Variants in PCDHGA2 observed in about 807,000 individuals in gnomAD.
PCDHGA2 encodes protocadherin gamma-A2.
PCDHGA2 carries 40 observed loss-of-function variants against 59.2 expected under a neutral mutation model. The ratio of observed to expected loss-of-function variants is 0.68; its 90% CI spans 0.52 to 0.88. PCDHGA2 has a LOEUF of 0.88. Among genes scored for constraint, PCDHGA2 ranks in the 40% least tolerant of loss-of-function variants. The pLI, the probability that PCDHGA2 is intolerant of heterozygous loss-of-function variation, is 0.00. For synonymous variants in PCDHGA2, 560 were observed against 526.0 expected (o/e 1.06, Z -0.89); for missense variants, 1,226 against 1,204.0 (o/e 1.02, Z -0.27).
Position 141,511,156 on chromosome 5 carries a change from A to G in PCDHGA2, c.2782A>G (p.Lys928Glu), listed in dbSNP as rs2099883637. 6.2e-7 allele frequency: 1 copy of G among 1,614,080 alleles called. No individual in the cohort carries two copies. The highest frequency in any genetic ancestry group is 1.3e-5 in the African/African-American group (1 of 74,940). Residue 928 changes from lysine (K) to glutamate (E), a missense_variant, in exon 4 of 4, where the codon AAG (lysine) becomes GAG (glutamate). By Grantham distance (56) the Lys-to-Glu change is moderately conservative (BLOSUM62 1). Transcript: ENST00000394576. ...CAATGGCAACAAGAAGAAGTCGGGC[A>G]AGAAGGAGAAGAAGTAACATGGAGG... is the stretch of plus-strand genomic sequence containing the variant. ...GGNGNKKKSG[K>E]KEKK
rs774780380 is a variant in PCDHGA2 at position 141,432,864 on chromosome 5, G to C, written c.2425-61943G>C. Reference sequence around the variant, plus strand: ...GTGGTAGCGGTGGCCGCGGTCTCCTGCGTCTTCCTGGCCTTCGTCATCTTG... The same window carrying C: ...GTGGTAGCGGTGGCCGCGGTCTCCTCCGTCTTCCTGGCCTTCGTCATCTTG... On this transcript the variant is annotated intron_variant, in intron 1 of 3. Coordinates refer to ENST00000394576, the MANE Select transcript of PCDHGA2 (RefSeq NM_018915.4). The surrounding 1 kb of genome is among the most constrained non-coding windows in gnomAD (Gnocchi z 6.0). 6.2e-7 allele frequency: 1 copy of C among 1,614,168 alleles called. No homozygotes were observed.
In PCDHGA2 at chr5:141,384,747, C is replaced by G. The variant is rs755356826; in HGVS notation, c.2424+43352C>G. 28 of 1,613,942 alleles carry G rather than the reference C, an allele frequency of 1.7e-5. No homozygotes were observed. The South Asian group carries it at 3.0e-4, about 17-fold the overall frequency. The stretch of plus-strand genomic sequence containing the variant: ...TGCTTAAGGCCAGCGAGCCAGGACT[C>G]TTTGCGGTTGGGCTGTACACGGGCG... On this transcript the variant is annotated intron_variant, in intron 1 of 3. Transcript: ENST00000394576.
At chr5:141,372,956 T>C in intron 1 of PCDHGA2, 1 of 730,732 alleles carries the variant, frequency 1.4e-6, no homozygotes, top group Non-Finnish European at 2.1e-6. Flanking sequence ...GGAAATTCTT[T>C]GTAGAATTTC....
chr5:141,370,854 C>G, intron 1 of PCDHGA2: 1 of 1,614,054 alleles, frequency 6.2e-7, no homozygotes, highest in Non-Finnish European at 8.5e-7. Context: ...CACATTTGCC[C>G]TGGAATCTGC....
intron 3 of PCDHGA2, 78 bp from the exon 4 acceptor site, chr5:141,510,869 T>C: frequency 9.3e-6 from 15 of 1,608,708 alleles, no homozygotes; most frequent in Non-Finnish European, 1.3e-5. Flanking sequence ...AGGCATTCAT[T>C]AACTGCTGGG....
intron 1 of PCDHGA2, chr5:141,371,963 G>A: frequency 6.2e-7 from 1 of 1,613,264 alleles, no homozygotes; most frequent in Non-Finnish European, 8.5e-7. Context: ...TCGACCACGA[G>A]CAGCTGCGTG....
chr5:141,374,090 C>T, intron 1 of PCDHGA2: 1 of 1,535,464 alleles, frequency 6.5e-7, no homozygotes, highest in Non-Finnish European at 8.8e-7. Context: ...AGTAATGGCG[C>T]CTCCGCAGAG....
In PCDHGA2 at chr5:141,340,061, A is replaced by C; in HGVS notation, c.1090A>C (p.Thr364Pro). 1 of 1,614,086 alleles carries C rather than the reference A, an allele frequency of 6.2e-7. No homozygotes were observed. The highest frequency in any genetic ancestry group is 8.5e-7 in the Non-Finnish European group (1 of 1,180,014). ...SSVSEDSLPG[T>P]IIGLFNVHDR... Reference sequence around the variant, plus strand: ...AGTTTCTGAAGACTCTCTTCCAGGAACCATAATTGGGCTTTTTAATGTACA... The same window carrying C: ...AGTTTCTGAAGACTCTCTTCCAGGACCCATAATTGGGCTTTTTAATGTACA... The change falls in exon 1 of 4, where the codon ACC (threonine) becomes CCC (proline). Residue 364 changes from threonine (T) to proline (P), a missense_variant. Transcript: ENST00000394576.
intron 1 of PCDHGA2, chr5:141,346,340 T>G (rs776812616): frequency 6.2e-7 from 1 of 1,614,130 alleles, no homozygotes; most frequent in South Asian, 1.1e-5. Context: ...GCCACCTGAT[T>G]TTCCCCCAGC....
intron 3 of PCDHGA2, among the ~76,000 whole-genome samples, chr5:141,510,214 A>G (rs1047332886): frequency 6.6e-6 from 1 of 151,406 alleles, no homozygotes; most frequent in Non-Finnish European, 1.5e-5. Context: ...CAGAGGTTGC[A>G]GTGAGCCGGG....
At chr5:141,373,491 C>T (rs975077178) in intron 1 of PCDHGA2, among the ~76,000 whole-genome samples, 1 of 152,180 alleles carries the variant, frequency 6.6e-6, no homozygotes, top group Non-Finnish European at 1.5e-5. Context: ...CCCCTGCACT[C>T]TAGCCTGGGA....
Position 141,485,486 on chromosome 5 carries a change from C to T in PCDHGA2, c.2425-9321C>T, listed in dbSNP as rs2099614522. 6 of 1,614,102 alleles carry T rather than the reference C, an allele frequency of 3.7e-6. No individual in the cohort carries two copies. The highest frequency in any genetic ancestry group is 2.2e-5 in the East Asian group (1 of 44,866). The stretch of plus-strand genomic sequence containing the variant: ...TGGGCTCAGTGCCAGCTGCATCGTG[C>T]CCCTGGAGTTTGTCACCGAAGGTCC... On this transcript the variant is annotated intron_variant, in intron 1 of 3. Coordinates refer to ENST00000394576, the MANE Select transcript of PCDHGA2 (RefSeq NM_018915.4). This position sits in a 1 kb window ranked among gnomAD's most constrained non-coding sequence, Gnocchi z 5.7.
intron 1 of PCDHGA2, among the ~76,000 whole-genome samples, chr5:141,456,250 C>T (rs1244300374): frequency 4.6e-5 from 7 of 152,014 alleles, no homozygotes; most frequent in African/African-American, 1.7e-4. Context: ...AGGCTTTGGG[C>T]GACCATTGCT....
chr5:141,477,639 G>T lies in PCDHGA2; in HGVS notation c.2425-17168G>T, dbSNP rs2099414883. ...GGAGCTGAAACCGGGCTAGTGGGTCGCTATTTCACAATAAATCGTGACAAT... is the reference window on the plus strand; with the variant it reads ...GGAGCTGAAACCGGGCTAGTGGGTCTCTATTTCACAATAAATCGTGACAAT... On this transcript the variant is annotated intron_variant, in intron 1 of 3. Transcript: ENST00000394576. The surrounding 1 kb of genome is among the most constrained non-coding windows in gnomAD (Gnocchi z 4.9). 3.1e-6 allele frequency: 5 copies of T among 1,614,004 alleles called. No homozygotes were observed. Among genetic ancestry groups the T allele is most frequent in the Non-Finnish European group, 4.2e-6 (5 of 1,180,034 alleles).
At chr5:141,448,069 T>G (rs1184496754) in intron 1 of PCDHGA2, among the ~76,000 whole-genome samples, 1 of 151,202 alleles carries the variant, frequency 6.6e-6, no homozygotes, top group African/African-American at 2.4e-5. Context: ...CTGGGCAACA[T>G]GAACGAAATG....
chr5:141,375,879 G>A, intron 1 of PCDHGA2: 1 of 1,613,144 alleles, frequency 6.2e-7, no homozygotes, highest in South Asian at 1.1e-5. Flanking sequence ...AGAGACTCGG[G>A]CCAGAACGCC....
At chr5:141,494,714 C>G in intron 1 of PCDHGA2, 93 bp from the exon 2 acceptor site, 2 of 1,603,958 alleles carry the variant, frequency 1.2e-6, no homozygotes, top group East Asian at 4.5e-5. Context: ...TGTGCCCACT[C>G]CCCTCCTTCT....
intron 3 of PCDHGA2, 125 bp downstream of exon 3, chr5:141,505,606 C>G: frequency 6.5e-7 from 1 of 1,528,642 alleles, no homozygotes; most frequent in Non-Finnish European, 8.8e-7. Flanking sequence ...TTCGGCAGGT[C>G]TGAAAGGACC....
chr5:141,394,489 C>T (rs989814835), intron 1 of PCDHGA2: 5 of 1,614,122 alleles, frequency 3.1e-6, no homozygotes, highest in Non-Finnish European at 4.2e-6. Context: ...AATGACAACG[C>T]GCCCGAGATC....
Sources: gnomAD v4.1 joint callset for allele counts (sites outside exome capture counted in the v4.1 genomes callset) on GRCh38, gnomAD v4.1.1 for gene constraint, Gnocchi (gnomAD v3.1) non-coding constraint, MANE v1.5 for transcripts, NCBI Gene and HGNC (gene_info 2026-07-23, HGNC 2026-07-21) for gene names.